The following CENPW variants were observed in gnomAD, a reference collection of about 807,000 sequenced individuals.
CENPW encodes centromere protein W, also known as cancer-up-regulated gene 2 protein.
CENPW carries 3 observed loss-of-function variants against 11.1 expected under a neutral mutation model. The ratio of observed to expected loss-of-function variants is 0.27; its 90% CI spans 0.12 to 0.70. The LOEUF (loss-of-function observed/expected upper bound fraction) is 0.70, where lower values mean the gene tolerates loss of function less well. Ranked by LOEUF, CENPW falls within the 30% of genes least tolerant of loss-of-function variation. The probability of loss-of-function intolerance (pLI) is 0.77; values close to 1 mark genes in which losing one functional copy is unlikely to be tolerated. For synonymous variants in CENPW, 38 were observed against 42.0 expected, an observed-to-expected ratio of 0.91 and a Z score of 0.37; for missense variants, 100 against 105.6, an observed-to-expected ratio of 0.95 and a Z score of 0.23.
At chr6:126,461,232 T>G in the CENPW span, among the ~76,000 whole-genome samples, 1 of 150,596 alleles carries the variant, frequency 6.6e-6, no homozygotes, top group African/African-American at 2.4e-5. Context: ...TCTCATGAGA[T>G]CCGATTGTTC....
At chr6:126,368,023 A>G in the CENPW span, among the ~76,000 whole-genome samples, 1 of 152,194 alleles carries the variant, frequency 6.6e-6, no homozygotes, top group Non-Finnish European at 1.5e-5. Flanking sequence ...CAGCTTAGGT[A>G]AAATGGGGAA....
chr6:126,447,725 A>C, the CENPW span, among the ~76,000 whole-genome samples: 1 of 150,978 alleles, frequency 6.6e-6, no homozygotes, highest in Non-Finnish European at 1.5e-5. Context: ...TCATTTCTCT[A>C]CTGACTGCTC....
At chr6:126,424,351 G>A in the CENPW span, among the ~76,000 whole-genome samples, 2 of 152,098 alleles carry the variant, frequency 1.3e-5, no homozygotes, top group South Asian at 4.1e-4. Flanking sequence ...TATTCAGCTA[G>A]TATGATATAC....
At position 126,340,152 on chromosome 6, in the gene CENPW, T is replaced by C; in HGVS notation, c.-122T>C. 1.1e-6 allele frequency: 1 copy of C among 923,470 alleles called. No individual in the cohort carries two copies. The highest frequency in any genetic ancestry group is 1.6e-5 in the South Asian group (1 of 62,960). 57.2% of individuals were successfully genotyped at this position (923,470 alleles called of 1,614,324 possible). On this transcript the variant is annotated 5_prime_UTR_variant, in exon 1 of 3. Coordinates refer to ENST00000368328, the MANE Select transcript of CENPW (RefSeq NM_001012507.4). Reference sequence around the variant, plus strand: ...GCGGATTCGAACGTTCGGACTGAGGTTTTTCTGCCTGAAGAAGCGTCATAC... The same window carrying C: ...GCGGATTCGAACGTTCGGACTGAGGCTTTTCTGCCTGAAGAAGCGTCATAC...
chr6:126,363,405 A>G, the CENPW span, among the ~76,000 whole-genome samples: 2 of 152,236 alleles, frequency 1.3e-5, no homozygotes, highest in East Asian at 3.8e-4. Context: ...TATGGCAATA[A>G]TATGTCCACA....
chr6:126,381,419 G>A, the CENPW span, among the ~76,000 whole-genome samples: 2 of 152,156 alleles, frequency 1.3e-5, no homozygotes, highest in South Asian at 4.1e-4. Context: ...AACTATATGT[G>A]AGCACCTACC....
chr6:126,432,812 CT>C, the CENPW span, among the ~76,000 whole-genome samples: 1 of 152,214 alleles, frequency 6.6e-6, no homozygotes, highest in African/African-American at 2.4e-5. Flanking sequence ...ACCTTCCACA[CT>C]ATGACAATCT....
chr6:126,359,757 C>CTT, the CENPW span, among the ~76,000 whole-genome samples: 9 of 137,930 alleles, frequency 6.5e-5, no homozygotes, highest in South Asian at 2.3e-4. Flanking sequence ...TTTTTCTTTT[C>CTT]TTTTTTTTTT....
chr6:126,437,323 T>C, the CENPW span, among the ~76,000 whole-genome samples: 1 of 151,954 alleles, frequency 6.6e-6, no homozygotes, highest in African/African-American at 2.4e-5. Flanking sequence ...CATATGTTCT[T>C]ACATAAAACA....
the CENPW span, among the ~76,000 whole-genome samples, chr6:126,434,496 T>A: frequency 5.3e-5 from 8 of 151,884 alleles, no homozygotes; most frequent in East Asian, 1.4e-3. Flanking sequence ...TGTCTGCAAT[T>A]TTTCAGCTTT....
At position 126,340,132 on chromosome 6, in the gene CENPW, T is replaced by G; in HGVS notation, c.-142T>G. 2.2e-5 allele frequency: 17 copies of G among 769,178 alleles called. No individual in the cohort carries two copies. The highest frequency in any genetic ancestry group is 4.6e-5 in the Admixed American group (2 of 43,762). The allele number at this position is 769,178 out of a possible 1,614,324, so 47.6% of individuals were successfully genotyped here. ...CCGGGCGCGTTCCGTTGGCGGCGGA[T>G]TCGAACGTTCGGACTGAGGTTTTTC... On this transcript the variant is annotated 5_prime_UTR_variant, in exon 1 of 3. Transcript: ENST00000368328.
chr6:126,363,696 A>G, the CENPW span, among the ~76,000 whole-genome samples: 1 of 152,226 alleles, frequency 6.6e-6, no homozygotes, highest in African/African-American at 2.4e-5. Context: ...CAATAGCAAC[A>G]GCCAGGGCCT....
At chr6:126,464,184 A>T in the CENPW span, among the ~76,000 whole-genome samples, 1 of 152,104 alleles carries the variant, frequency 6.6e-6, no homozygotes, top group Non-Finnish European at 1.5e-5. Context: ...CAATCAGTAC[A>T]ACTCTCCATA....
chr6:126,477,091 T>G, the CENPW span, among the ~76,000 whole-genome samples: 4 of 151,990 alleles, frequency 2.6e-5, no homozygotes, highest in Non-Finnish European at 4.4e-5. Context: ...AACACCATAT[T>G]GGGATTCAGA....
chr6:126,385,721 T>C, the CENPW span, among the ~76,000 whole-genome samples: 1 of 152,068 alleles, frequency 6.6e-6, no homozygotes, highest in Non-Finnish European at 1.5e-5. Flanking sequence ...GATAAGGGGC[T>C]CTTCCCCATT....
the CENPW span, among the ~76,000 whole-genome samples, chr6:126,401,573 T>C: frequency 6.6e-6 from 1 of 152,044 alleles, no homozygotes; most frequent in Admixed American, 6.6e-5. Flanking sequence ...AGAGGAATTT[T>C]TTTTTCACTT....
chr6:126,404,703 A>G, the CENPW span, among the ~76,000 whole-genome samples: 1 of 152,046 alleles, frequency 6.6e-6, no homozygotes, highest in Non-Finnish European at 1.5e-5. Flanking sequence ...AATAGCCGTT[A>G]TAACTGCAGT....
chr6:126,476,940 T>C, the CENPW span, among the ~76,000 whole-genome samples: 1 of 152,030 alleles, frequency 6.6e-6, no homozygotes, highest in South Asian at 2.1e-4. Context: ...CTTACCAGTT[T>C]AAATGGGTGA....
chr6:126,412,006 T>C, the CENPW span, among the ~76,000 whole-genome samples: 3 of 93,446 alleles, frequency 3.2e-5, no homozygotes, highest in Non-Finnish European at 4.3e-5. Flanking sequence ...TCCCTTCCTC[T>C]CTCCCTCCCA....
Sources: gnomAD v4.1 joint callset for allele counts (sites outside exome capture counted in the v4.1 genomes callset) on GRCh38, gnomAD v4.1.1 for gene constraint, MANE v1.5 for transcripts, NCBI Gene and HGNC (gene_info 2026-07-23, HGNC 2026-07-21) for gene names.